PCDHGA10: variants seen among roughly 807,000 people sequenced by gnomAD.
PCDHGA10 encodes protocadherin gamma subfamily A, 10.
Under a neutral mutation model 59.5 loss-of-function variants are expected in PCDHGA10, and 42 were observed. That is an observed-to-expected ratio of 0.71 (90% CI 0.55 to 0.91). PCDHGA10 has a LOEUF of 0.91. PCDHGA10 is among the 40% of genes least tolerant of loss of function. The pLI is 0.00. For synonymous variants in PCDHGA10, 511 were observed against 517.2 expected (o/e 0.99, Z 0.16); for missense variants, 1,111 against 1,198.2 (o/e 0.93, Z 1.07).
At chr5:141,418,535 G>GC in intron 1 of PCDHGA10, 1 of 1,614,002 alleles carries the variant, frequency 6.2e-7, no homozygotes, top group Non-Finnish European at 8.5e-7. Context: ...AAGCGGTACT[G>GC]CTCAGATAAG....
At chr5:141,427,901 G>T in intron 1 of PCDHGA10, 1 of 1,572,232 alleles carries the variant, frequency 6.4e-7, no homozygotes. Flanking sequence ...GCTCGCCCGC[G>T]CTCAGCGCCA....
At chr5:141,423,375 G>C in intron 1 of PCDHGA10, 1 of 1,614,192 alleles carries the variant, frequency 6.2e-7, no homozygotes, top group Non-Finnish European at 8.5e-7. Context: ...TGGCACTCAG[G>C]CTGTGGCGCT....
Position 141,431,432 on chromosome 5 carries a change from AC to A in PCDHGA10, c.2436+15823del. 2 of 1,613,692 alleles carry A rather than the reference AC, an allele frequency of 1.2e-6. No individual in the cohort carries two copies. Among genetic ancestry groups the A allele is most frequent in the Non-Finnish European group, 1.7e-6 (2 of 1,180,026 alleles). On this transcript the variant is annotated intron_variant, in intron 1 of 3. Transcript: ENST00000398610. The surrounding 1 kb of genome is among the most constrained non-coding windows in gnomAD (Gnocchi z 4.8). ...CGGGGGCGACCCGGTGCGCACAGGC[AC>A]CGCGCGCATCCGCGTGATGGTTCTG... is the stretch of plus-strand genomic sequence containing the variant.
At chr5:141,461,170 G>T (rs1347666737) in intron 1 of PCDHGA10, among the ~76,000 whole-genome samples, 1 of 152,052 alleles carries the variant, frequency 6.6e-6, no homozygotes. Context: ...GGGATTGCTG[G>T]ATTGAATGGT....
rs1208504589 is a variant in PCDHGA10, at chr5:141,431,631, T to C, written c.2436+16020T>C. On this transcript the variant is annotated intron_variant, in intron 1 of 3. Coordinates refer to ENST00000398610, the MANE Select transcript of PCDHGA10 (RefSeq NM_018913.3). The surrounding 1 kb of genome is among the most constrained non-coding windows in gnomAD (Gnocchi z 4.8). ...TATGTGGACGACAAGGCGGCCCAAG[T>C]TTTCAAACTAGATTGTAATTCAGGG... The C allele has an allele frequency of 6.2e-6, 10 of 1,614,132 alleles. No individual in the cohort carries two copies. Among genetic ancestry groups the C allele is most frequent in the Non-Finnish European group, 8.5e-6 (10 of 1,180,016 alleles).
chr5:141,427,556 C>A (rs1022143090), intron 1 of PCDHGA10: 7 of 649,144 alleles, frequency 1.1e-5, no homozygotes, highest in African/African-American at 1.1e-4. Flanking sequence ...CTGCCACTGA[C>A]AAGGGCAAGC....
At chr5:141,470,628 G>T (rs1475199767) in intron 1 of PCDHGA10, among the ~76,000 whole-genome samples, 12 of 152,146 alleles carry the variant, frequency 7.9e-5, no homozygotes, top group Admixed American at 7.9e-4. Flanking sequence ...GCTTAGATAG[G>T]CCCCCTTGCT....
rs1474849292 is a variant in PCDHGA10 at position 141,454,205 on chromosome 5, G to T, written c.2436+38594G>T. Among the ~76,000 whole-genome samples, 3 of 152,154 alleles carry T rather than the reference G, an allele frequency of 2.0e-5. No individual in the cohort carries two copies. The East Asian group carries it at 5.8e-4, about 29-fold the overall frequency. ...GGAGCTTAGTGAAGGTGAATTTATT[G>T]ACATGAATGAGAAAAGTAATTGTGA... On this transcript the variant is annotated intron_variant, in intron 1 of 3. Coordinates refer to ENST00000398610, the MANE Select transcript of PCDHGA10 (RefSeq NM_018913.3).
Position 141,414,279 on chromosome 5 carries a change from A to C in PCDHGA10, c.1104A>C (p.Thr368=). ...TGACTGAAGATTCACCTCTGGGAAC[A>C]GTCGTAGCCCTTTTAAATGTGCATG... is the stretch of plus-strand genomic sequence containing the variant. ...SPVTEDSPLG[T]VVALLNVHDL... is the part of the protein sequence containing the mutation. The change falls in exon 1 of 4, where the codon ACA becomes ACC. Residue 368 remains threonine (T), a synonymous_variant. Coordinates refer to ENST00000398610, the MANE Select transcript of PCDHGA10 (RefSeq NM_018913.3). The C allele has an allele frequency of 6.2e-7, 1 of 1,613,350 alleles. No individual in the cohort carries two copies. Among genetic ancestry groups the C allele is most frequent in the Non-Finnish European group, 8.5e-7 (1 of 1,179,682 alleles).
At position 141,484,465 on chromosome 5, in the gene PCDHGA10, A is replaced by G. The variant is rs2099596840; in HGVS notation, c.2437-10342A>G. On this transcript the variant is annotated intron_variant, in intron 1 of 3. Coordinates refer to ENST00000398610, the MANE Select transcript of PCDHGA10 (RefSeq NM_018913.3). ...ATTTAATTGGCTACGTTAATGTGTA[A>G]GCCTTTTCTGCAAAGAGATGGATCC... is the stretch of plus-strand genomic sequence containing the variant. Among the ~76,000 whole-genome samples, 4 of 152,236 alleles carry G rather than the reference A, an allele frequency of 2.6e-5. No individual in the cohort carries two copies. In the South Asian group the frequency reaches 6.2e-4, roughly 24 times the overall value.
At chr5:141,478,133 G>T (rs769287158) in intron 1 of PCDHGA10, 1 of 1,614,060 alleles carries the variant, frequency 6.2e-7, no homozygotes, top group Non-Finnish European at 8.5e-7. Flanking sequence ...CTCTCCTGAA[G>T]CCCGAGCCGA....
At chr5:141,427,132 G>A (rs755992698) in intron 1 of PCDHGA10, 1 of 457,106 alleles carries the variant, frequency 2.2e-6, no homozygotes, top group South Asian at 1.5e-5. Flanking sequence ...AAATCCCTAC[G>A]AGATGATATT....
At chr5:141,426,116 G>A (rs1324245739) in intron 1 of PCDHGA10, among the ~76,000 whole-genome samples, 3 of 152,232 alleles carry the variant, frequency 2.0e-5, no homozygotes, top group African/African-American at 7.2e-5. Context: ...AAGCAAGTCG[G>A]AGAGTGGCCA....
chr5:141,425,119 T>G (rs1234720658), intron 1 of PCDHGA10, among the ~76,000 whole-genome samples: 1 of 152,220 alleles, frequency 6.6e-6, no homozygotes, highest in Non-Finnish European at 1.5e-5. Context: ...ACATTTTTCT[T>G]GAAGTCAAGA....
At chr5:141,494,768 C>T (rs758949982) in intron 1 of PCDHGA10, 39 bp from the exon 2 acceptor site, 1 of 1,614,060 alleles carries the variant, frequency 6.2e-7, no homozygotes, top group South Asian at 1.1e-5. Flanking sequence ...TCTAACTTCT[C>T]ACGGGTACTC....
intron 1 of PCDHGA10, among the ~76,000 whole-genome samples, chr5:141,488,007 G>A (rs1269050547): frequency 6.6e-6 from 1 of 152,178 alleles, no homozygotes; most frequent in African/African-American, 2.4e-5. Flanking sequence ...ATCAGATTCT[G>A]AAGTACCTTA....
At chr5:141,420,369 T>C in intron 1 of PCDHGA10, 2 of 1,349,364 alleles carry the variant, frequency 1.5e-6, no homozygotes, top group Non-Finnish European at 2.0e-6. Flanking sequence ...AGATAACTTC[T>C]TCATAGAGTT....
In PCDHGA10 at chr5:141,493,985, C is replaced by A. The variant is rs1444608753; in HGVS notation, c.2437-822C>A. On this transcript the variant is annotated intron_variant, in intron 1 of 3. Coordinates refer to ENST00000398610, the MANE Select transcript of PCDHGA10 (RefSeq NM_018913.3). This position sits in a 1 kb window ranked among gnomAD's most constrained non-coding sequence, Gnocchi z 4.3. ...GCTGGCCAGAGCCCCACACCTTCAGCTAGGTGGGAGATGGCTACACATCAG... is the reference window on the plus strand; with the variant it reads ...GCTGGCCAGAGCCCCACACCTTCAGATAGGTGGGAGATGGCTACACATCAG... Among the ~76,000 whole-genome samples the A allele has an allele frequency of 6.6e-6, 1 of 152,196 alleles. No individual in the cohort carries two copies. The highest frequency in any genetic ancestry group is 1.5e-5 in the Non-Finnish European group (1 of 68,032).
chr5:141,505,267 A>G (rs2099845018), intron 2 of PCDHGA10, 126 bp from the exon 3 acceptor site: 1 of 1,514,640 alleles, frequency 6.6e-7, no homozygotes, highest in Admixed American at 2.0e-5. Flanking sequence ...TACCTTGCTG[A>G]GAGAAACAGG....
Sources: allele counts gnomAD v4.1 joint callset (sites outside exome capture counted in the v4.1 genomes callset), GRCh38; gene constraint gnomAD v4.1.1; non-coding constraint Gnocchi (gnomAD v3.1); transcripts MANE v1.5; gene names NCBI Gene and HGNC (gene_info 2026-07-23, HGNC 2026-07-21).